Variants in SLC36A1 observed in about 807,000 individuals in gnomAD.
SLC36A1 encodes proton-coupled amino acid transporter 1.
SLC36A1 carries 30 observed loss-of-function variants against 47.5 expected under a neutral mutation model. The observed-to-expected ratio is 0.63, with a 90% CI of 0.47 to 0.86. The LOEUF (loss-of-function observed/expected upper bound fraction) is 0.86. Among genes scored for constraint, SLC36A1 ranks in the 40% least tolerant of loss-of-function variants. The probability of loss-of-function intolerance (pLI) is 0.00; values close to 1 mark genes in which losing one functional copy is unlikely to be tolerated. For missense variants in SLC36A1, 517 were observed against 606.0 expected, an observed-to-expected ratio of 0.85 and a Z score of 1.54; for synonymous variants, 255 against 249.7, an observed-to-expected ratio of 1.02 and a Z score of -0.20.
At chr5:151,473,824 TC>T in intron 8 of SLC36A1, 53 bp downstream of exon 8, 1 of 1,339,382 alleles carries the variant, frequency 7.5e-7, no homozygotes. Context: ...CTTGGTGTTC[TC>T]CAGGTCTGTT....
At chr5:151,443,054 T>TA (rs1752715620), upstream of SLC36A1, among the ~76,000 whole-genome samples, 1 of 152,194 alleles carries the variant, frequency 6.6e-6, no homozygotes, top group African/African-American at 2.4e-5. Flanking sequence ...GACACTTGGA[T>TA]TGTTTCTATA....
the SLC36A1 span, among the ~76,000 whole-genome samples, chr5:151,357,309 A>G: frequency 6.6e-6 from 1 of 152,254 alleles, no homozygotes; most frequent in Non-Finnish European, 1.5e-5. Flanking sequence ...GTTGGCTGCC[A>G]GTATCAGCAT....
the SLC36A1 span, among the ~76,000 whole-genome samples, chr5:151,513,186 AT>A: frequency 6.6e-6 from 1 of 152,268 alleles, no homozygotes; most frequent in East Asian, 1.9e-4. Flanking sequence ...GCTATCTTCT[AT>A]TAAGCCAGGC....
chr5:151,528,555 G>A, the SLC36A1 span, among the ~76,000 whole-genome samples: 1 of 152,186 alleles, frequency 6.6e-6, no homozygotes, highest in African/African-American at 2.4e-5. Flanking sequence ...TTCGGGGCTG[G>A]AGCAGGCAAT....
chr5:151,433,483 G>T (rs1759579325), upstream of SLC36A1, among the ~76,000 whole-genome samples: 1 of 149,362 alleles, frequency 6.7e-6, no homozygotes. Context: ...TAGAGACAGG[G>T]TTTCACCATG....
At chr5:151,458,741 A>G (rs1755067109) in intron 1 of SLC36A1, 47 bp from the exon 2 acceptor site, 18 of 1,593,124 alleles carry the variant, frequency 1.1e-5, no homozygotes, top group Non-Finnish European at 1.5e-5. Context: ...ATATGGAGCT[A>G]AAGGCTCCAG....
intron 9 of SLC36A1, chr5:151,477,585 C>G (rs769849726): frequency 6.6e-6 from 1 of 152,108 alleles, no homozygotes; most frequent in East Asian, 1.9e-4. Flanking sequence ...GACCTGGATT[C>G]GCTTTTTATT....
chr5:151,413,134 A>G, the SLC36A1 span, among the ~76,000 whole-genome samples: 27 of 151,840 alleles, frequency 1.8e-4, no homozygotes, highest in African/African-American at 6.5e-4. Context: ...CAGCTCAAGG[A>G]TAGATATTCA....
downstream of SLC36A1, among the ~76,000 whole-genome samples, chr5:151,493,043 A>C (rs1323996261): frequency 1.2e-4 from 18 of 152,000 alleles, no homozygotes. Context: ...TATATCTCCT[A>C]CTGGCTTTGT....
chr5:151,513,512 A>G, the SLC36A1 span, among the ~76,000 whole-genome samples: 2 of 152,204 alleles, frequency 1.3e-5, no homozygotes, highest in Non-Finnish European at 2.9e-5. Context: ...CAAATACCAC[A>G]TGTTCTCACT....
chr5:151,464,570 C>T lies in SLC36A1; in HGVS notation c.291C>T (p.Ile97=), dbSNP rs908219915. The T allele has an allele frequency of 1.9e-6, 3 of 1,613,996 alleles. No individual in the cohort carries two copies. The highest frequency in any genetic ancestry group is 2.7e-5 in the African/African-American group (2 of 74,914). ...IGIVAVHCMG[I]LVKCAHHFCR... is the part of the protein sequence containing the mutation. Reference sequence around the variant, plus strand: ...TCGTGGCCGTGCACTGCATGGGTATCCTGGTGAAATGTGCTCACCACTTCT... The same window carrying T: ...TCGTGGCCGTGCACTGCATGGGTATTCTGGTGAAATGTGCTCACCACTTCT... Residue 97 remains isoleucine, a synonymous_variant, in exon 4 of 11, where the codon ATC becomes ATT. Transcript: ENST00000243389.
In SLC36A1 at chr5:151,488,330, A is replaced by G; in HGVS notation, c.*76A>G. On this transcript the variant is annotated 3_prime_UTR_variant, in exon 11 of 11. Coordinates refer to ENST00000243389, the MANE Select transcript of SLC36A1 (RefSeq NM_078483.4). ...GTTACCTGTCCTCAGAGCCTCAGGT[A>G]TGGTCCAGGCTCTGAGGAAAGTCAG... 6.5e-7 allele frequency: 1 copy of G among 1,548,348 alleles called. No individual in the cohort carries two copies. The highest frequency in any genetic ancestry group is 8.8e-7 in the Non-Finnish European group (1 of 1,140,036).
At chr5:151,501,485 G>A in the SLC36A1 span, among the ~76,000 whole-genome samples, 1 of 147,900 alleles carries the variant, frequency 6.8e-6, no homozygotes, top group Non-Finnish European at 1.5e-5. Context: ...GGTCCCAGGA[G>A]GGACCAGGCT....
intron 5 of SLC36A1, 112 bp from the exon 6 acceptor site, chr5:151,467,087 C>A: frequency 1.3e-6 from 1 of 773,686 alleles, no homozygotes; most frequent in Non-Finnish European, 2.2e-6. Context: ...AACAAAACAG[C>A]ACTTGTACTC....
the SLC36A1 span, chr5:151,525,974 G>A: frequency 4.0e-5 from 65 of 1,613,274 alleles, no homozygotes; most frequent in Middle Eastern, 3.3e-4. Context: ...TCCTGAGACC[G>A]AGAGTGACAA....
intron 5 of SLC36A1, among the ~76,000 whole-genome samples, chr5:151,466,836 G>T (rs1313615799): frequency 6.6e-6 from 1 of 152,164 alleles, no homozygotes. Flanking sequence ...AGCCAGGAAG[G>T]GGACGTCGGA....
At chr5:151,350,979 C>G in the SLC36A1 span, among the ~76,000 whole-genome samples, 1 of 152,154 alleles carries the variant, frequency 6.6e-6, no homozygotes, top group Non-Finnish European at 1.5e-5. Flanking sequence ...GTTTTTAATG[C>G]TAACAATACT....
At chr5:151,529,605 T>C in the SLC36A1 span, among the ~76,000 whole-genome samples, 3 of 152,176 alleles carry the variant, frequency 2.0e-5, no homozygotes, top group African/African-American at 7.2e-5. Flanking sequence ...TCACAACAGC[T>C]ATGTTTCCCT....
chr5:151,379,539 G>A, the SLC36A1 span, among the ~76,000 whole-genome samples: 1 of 152,052 alleles, frequency 6.6e-6, no homozygotes, highest in Admixed American at 6.5e-5. Flanking sequence ...TGCCATTTTG[G>A]TCAGTCTGGT....
Sources: allele counts gnomAD v4.1 joint callset (sites outside exome capture counted in the v4.1 genomes callset), GRCh38; gene constraint gnomAD v4.1.1; transcripts MANE v1.5; gene names NCBI Gene and HGNC (gene_info 2026-07-23, HGNC 2026-07-21).